The following HDAC4 variants were observed in gnomAD, a reference collection of about 807,000 sequenced individuals.
HDAC4 encodes the protein histone deacetylase 4.
Under a neutral mutation model 135.1 loss-of-function variants are expected in HDAC4, and 16 were observed. The observed-to-expected ratio is 0.12, with a 90% CI of 0.08 to 0.18. HDAC4 has a LOEUF of 0.18. Ranked by LOEUF, HDAC4 falls within the 10% of genes least tolerant of loss-of-function variation. The pLI is 1.00. For synonymous variants in HDAC4, 685 were observed against 653.4 expected (o/e 1.05, Z -0.74); for missense variants, 1,143 against 1,511.8 (o/e 0.76, Z 4.05).
At chr2:239,383,516 T>G (rs1052125478) in intron 1 of HDAC4, among the ~76,000 whole-genome samples, 9 of 152,040 alleles carry the variant, frequency 5.9e-5, no homozygotes, top group African/African-American at 1.9e-4. Context: ...AACTGGCTCC[T>G]CTGAGCGCCA....
chr2:239,187,032 CATGCACTGTGA>C (rs1289704257), intron 4 of HDAC4: 3 of 152,708 alleles, frequency 2.0e-5, no homozygotes, highest in African/African-American at 7.2e-5. Context: ...GGGTCCTAAT[CATGCACTGTGA>C]ATGCTCCAGG....
At chr2:239,152,426 C>A (rs2042170660) in intron 7 of HDAC4, among the ~76,000 whole-genome samples, 1 of 152,236 alleles carries the variant, frequency 6.6e-6, no homozygotes, top group Non-Finnish European at 1.5e-5. Context: ...AGGCACCTCA[C>A]CCTGGGCCGA....
chr2:239,256,477 G>A (rs529833853), intron 2 of HDAC4, among the ~76,000 whole-genome samples: 13 of 152,372 alleles, frequency 8.5e-5, no homozygotes, highest in African/African-American at 1.2e-4. Flanking sequence ...ACCCAGCGCC[G>A]AGGCGGGTTC....
chr2:239,380,087 CG>C (rs1695308689), intron 1 of HDAC4, among the ~76,000 whole-genome samples: 1 of 152,210 alleles, frequency 6.6e-6, no homozygotes, highest in South Asian at 2.1e-4. Context: ...GTCGGGGGCG[CG>C]GCGTGGGCCC....
intron 4 of HDAC4, among the ~76,000 whole-genome samples, chr2:239,185,633 G>C (rs1489109746): frequency 1.3e-5 from 2 of 152,106 alleles, no homozygotes; most frequent in Non-Finnish European, 2.9e-5. Context: ...CACCAGCCTG[G>C]AGCATGCTCT....
intron 3 of HDAC4, among the ~76,000 whole-genome samples, chr2:239,228,402 T>C (rs950642182): frequency 1.5e-5 from 1 of 64,610 alleles, no homozygotes; most frequent in Non-Finnish European, 3.2e-5. Context: ...AGGAGGGAGC[T>C]GTCACTGTGA....
intron 1 of HDAC4, among the ~76,000 whole-genome samples, chr2:239,375,146 T>C (rs1164634400): frequency 6.6e-6 from 1 of 152,044 alleles, no homozygotes; most frequent in Non-Finnish European, 1.5e-5. Context: ...AACACTGACA[T>C]TGGGAACCAG....
intron 17 of HDAC4, among the ~76,000 whole-genome samples, chr2:239,093,559 G>A (rs935620656): frequency 1.3e-5 from 2 of 152,176 alleles, no homozygotes; most frequent in Admixed American, 6.5e-5. Flanking sequence ...ACATCCTGCC[G>A]GTGGCTGTAC....
chr2:239,081,395 G>T (rs941283334), intron 21 of HDAC4, among the ~76,000 whole-genome samples: 10 of 152,202 alleles, frequency 6.6e-5, no homozygotes, highest in African/African-American at 2.4e-4. Context: ...CATCAGCAAG[G>T]GGGCCCTTTT....
intron 1 of HDAC4, among the ~76,000 whole-genome samples, chr2:239,374,859 C>T (rs1694898377): frequency 6.6e-6 from 1 of 152,232 alleles, no homozygotes; most frequent in Non-Finnish European, 1.5e-5. Context: ...CAGGTCCTGT[C>T]AGCTGCACAG....
At chr2:239,064,108 G>A (rs181221103) in intron 24 of HDAC4, among the ~76,000 whole-genome samples, 110 of 152,342 alleles carry the variant, frequency 7.2e-4, no homozygotes, top group African/African-American at 2.6e-3. Context: ...AGGGCTGGAG[G>A]AACACACAGC....
chr2:239,246,422 G>A (rs562869833), intron 2 of HDAC4, among the ~76,000 whole-genome samples: 2 of 152,332 alleles, frequency 1.3e-5, no homozygotes, highest in East Asian at 3.9e-4. Context: ...TCAGGAATCA[G>A]TGTGGAAAAG....
At chr2:239,252,942 C>G (rs777561027) in intron 2 of HDAC4, among the ~76,000 whole-genome samples, 21 of 152,384 alleles carry the variant, frequency 1.4e-4, no homozygotes, top group Admixed American at 1.0e-3. Context: ...TCGCCGGCCA[C>G]CGGTTTTGCA....
At position 239,352,053 on chromosome 2, in the gene HDAC4, G is replaced by A. The variant is rs998038159; in HGVS notation, c.22+625C>T. 1.3e-5 allele frequency among the ~76,000 whole-genome samples: 2 copies of A among 152,180 alleles called. No individual in the cohort carries two copies. Among genetic ancestry groups the A allele is most frequent in the Non-Finnish European group, 2.9e-5 (2 of 68,034 alleles). On this transcript the variant is annotated intron_variant, in intron 2 of 26. Transcript: ENST00000543185. This position sits in a 1 kb window ranked among gnomAD's most constrained non-coding sequence, Gnocchi z 4.4. ...TCGTAAATGGATGGGCCCATGACATGCTTCTGAAGCTCAGAGCAGGACAAG... is the reference window on the plus strand; with the variant it reads ...TCGTAAATGGATGGGCCCATGACATACTTCTGAAGCTCAGAGCAGGACAAG...
At chr2:239,111,098 C>T (rs563747866) in intron 14 of HDAC4, among the ~76,000 whole-genome samples, 2 of 152,378 alleles carry the variant, frequency 1.3e-5, no homozygotes, top group African/African-American at 4.8e-5. Flanking sequence ...TCACAGCCCC[C>T]CGCCAGCCAT....
chr2:239,344,884 C>T (rs1692514500), intron 2 of HDAC4, among the ~76,000 whole-genome samples: 1 of 152,102 alleles, frequency 6.6e-6, no homozygotes, highest in African/African-American at 2.4e-5. Flanking sequence ...GTCTACTCTC[C>T]CACGTTCTCG....
intron 12 of HDAC4, among the ~76,000 whole-genome samples, chr2:239,119,029 G>A (rs964804447): frequency 6.6e-6 from 1 of 152,120 alleles, no homozygotes; most frequent in Non-Finnish European, 1.5e-5. Context: ...GTGAAGCAGC[G>A]CTGTTTCACA....
At chr2:239,365,362 G>A (rs186433200) in intron 1 of HDAC4, among the ~76,000 whole-genome samples, 7 of 152,314 alleles carry the variant, frequency 4.6e-5, no homozygotes, top group Non-Finnish European at 7.3e-5. Flanking sequence ...GTGCTGTAAC[G>A]GGAATAAAAT....
chr2:239,096,437 C>T (rs1338961671), intron 16 of HDAC4, among the ~76,000 whole-genome samples: 1 of 140,998 alleles, frequency 7.1e-6, no homozygotes, highest in East Asian at 2.2e-4. Context: ...ACGACTGCAC[C>T]CCCATCACCC....
Sources: gnomAD v4.1 joint callset for allele counts (sites outside exome capture counted in the v4.1 genomes callset) on GRCh38, gnomAD v4.1.1 for gene constraint, Gnocchi (gnomAD v3.1) non-coding constraint, MANE v1.5 for transcripts, NCBI Gene and HGNC (gene_info 2026-07-23, HGNC 2026-07-21) for gene names.